ARHGEF33: variants seen among roughly 807,000 people sequenced by gnomAD.
The protein encoded by ARHGEF33 is Rho guanine nucleotide exchange factor 33, also known as DH and coiled-coil domain-containing protein ENSP00000381780.
ARHGEF33 carries 72 observed loss-of-function variants against 101.9 expected under a neutral mutation model. The ratio of observed to expected loss-of-function variants is 0.71; its 90% CI spans 0.58 to 0.86. The LOEUF (loss-of-function observed/expected upper bound fraction) is 0.86. Among genes scored for constraint, ARHGEF33 ranks in the 40% least tolerant of loss-of-function variants. ARHGEF33 has a pLI of 0.00. For synonymous variants in ARHGEF33, 499 were observed against 442.5 expected, an observed-to-expected ratio of 1.13 and a Z score of -1.60; for missense variants, 1,169 against 1,111.3, an observed-to-expected ratio of 1.05 and a Z score of -0.74.
intron 7 of ARHGEF33, among the ~76,000 whole-genome samples, chr2:38,932,514 A>T (rs993202535): frequency 6.6e-6 from 1 of 152,106 alleles, no homozygotes. Flanking sequence ...CACTTGGTCC[A>T]TCTGGGGACC....
chr2:38,904,169 G>A (rs1179710385), intron 2 of ARHGEF33, among the ~76,000 whole-genome samples: 1 of 152,316 alleles, frequency 6.6e-6, no homozygotes, highest in East Asian at 1.9e-4. Context: ...TTGGATTGAA[G>A]GGGGAAAGTT....
In ARHGEF33 at chr2:38,960,575, G is replaced by C; in HGVS notation, c.2270G>C (p.Arg757Pro). The change falls in exon 16 of 18, where the codon CGC becomes CCC. Residue 757 changes from arginine (R) to proline (P), a missense_variant. Transcript: ENST00000409978. ...CCGGCCGCCGCCGCCGTCGCCGCCC[G>C]CGGCGCATCCAGGACCTTCTTCCCC... ...HGPAAAAVAARGASRTFFPQQ... is the reference protein window; with the variant it reads ...HGPAAAAVAAPGASRTFFPQQ... The C allele has an allele frequency of 7.7e-7, 1 of 1,290,984 alleles. No homozygotes were observed. Among genetic ancestry groups the C allele is most frequent in the Non-Finnish European group, 1.0e-6 (1 of 1,000,942 alleles). The allele number at this position is 1,290,984 out of a possible 1,614,324, so 80.0% of individuals were successfully genotyped here. A position where few individuals can be genotyped will look rare whatever the true frequency, so the allele number is the denominator to read the frequency against.
At chr2:38,931,548 A>G (rs918471640) in intron 7 of ARHGEF33, among the ~76,000 whole-genome samples, 1 of 152,196 alleles carries the variant, frequency 6.6e-6, no homozygotes, top group South Asian at 2.1e-4. Context: ...CCCATAAGAC[A>G]GAAATGTTAG....
intron 16 of ARHGEF33, 82 bp downstream of exon 16, chr2:38,960,730 G>T (rs1056853743): frequency 1.8e-6 from 2 of 1,114,118 alleles, no homozygotes; most frequent in East Asian, 8.6e-5. Context: ...TTCTCCTAGC[G>T]TGGAGAGGAG....
chr2:38,907,937 C>T lies in ARHGEF33; in HGVS notation c.-85-11426C>T, dbSNP rs930086043. 1.3e-5 allele frequency among the ~76,000 whole-genome samples: 2 copies of T among 151,090 alleles called. 1 individual carries two copies. Among genetic ancestry groups the T allele is most frequent in the East Asian group, 3.9e-4 (2 of 5,154 alleles). ...GCAGTGGCACTATCATGACTCACTG[C>T]AGCCTTGACCTCCTGGGCTCAAGTG... On this transcript the variant is annotated intron_variant, in intron 2 of 17. Coordinates refer to ENST00000409978, the MANE Select transcript of ARHGEF33 (RefSeq NM_001145451.5).
chr2:38,898,139 G>A lies in ARHGEF33; in HGVS notation c.-86+2290G>A, dbSNP rs929975016. On this transcript the variant is annotated intron_variant, in intron 2 of 17. Transcript: ENST00000409978. Reference sequence around the variant, plus strand: ...AATAGTAATTTGGATGATGGAATAAGGTATAAAAAGTAGACGAGACCACTT... The same window carrying A: ...AATAGTAATTTGGATGATGGAATAAAGTATAAAAAGTAGACGAGACCACTT... 3.9e-5 allele frequency among the ~76,000 whole-genome samples: 6 copies of A among 152,096 alleles called. No individual in the cohort carries two copies. In the South Asian group the frequency reaches 1.0e-3, roughly 26 times the overall value.
intron 17 of ARHGEF33, among the ~76,000 whole-genome samples, chr2:38,972,729 C>T (rs750838398): frequency 7.2e-5 from 11 of 152,214 alleles, no homozygotes; most frequent in Non-Finnish European, 1.3e-4. Flanking sequence ...AGTAGCAAAC[C>T]AATGATAGTA....
chr2:38,897,156 C>G (rs12617734), intron 2 of ARHGEF33, among the ~76,000 whole-genome samples: 1 of 151,950 alleles, frequency 6.6e-6, no homozygotes, highest in Non-Finnish European at 1.5e-5. Context: ...CCCAGTGGTC[C>G]GCCCGCCTCG....
At chr2:38,932,089 A>C (rs1667017899) in intron 7 of ARHGEF33, among the ~76,000 whole-genome samples, 1 of 152,206 alleles carries the variant, frequency 6.6e-6, no homozygotes, top group Non-Finnish European at 1.5e-5. Context: ...TAACTGGCAT[A>C]CTTCAAAGTA....
intron 17 of ARHGEF33, among the ~76,000 whole-genome samples, chr2:38,967,337 T>C (rs1019766357): frequency 6.6e-6 from 1 of 152,218 alleles, no homozygotes; most frequent in African/African-American, 2.4e-5. Flanking sequence ...GCGACAGCTC[T>C]GCATGTAGCC....
chr2:38,948,152 C>T (rs980008431), intron 10 of ARHGEF33, among the ~76,000 whole-genome samples: 15 of 151,904 alleles, frequency 9.9e-5, no homozygotes, highest in African/African-American at 3.6e-4. Context: ...TGCTTCTGGG[C>T]GTCAGGTCTG....
chr2:38,958,010 G>A, intron 14 of ARHGEF33, 24 bp from the exon 15 acceptor site: 1 of 1,551,994 alleles, frequency 6.4e-7, no homozygotes, highest in Non-Finnish European at 8.7e-7. Flanking sequence ...TACAACCTGA[G>A]AACTGTTATT....
In ARHGEF33 at chr2:38,960,547, G is replaced by C. The variant is rs1281779454; in HGVS notation, c.2242G>C (p.Gly748Arg). 5 of 1,260,962 alleles carry C rather than the reference G, an allele frequency of 4.0e-6. No individual in the cohort carries two copies. Among genetic ancestry groups the C allele is most frequent in the African/African-American group, 1.6e-5 (1 of 62,484 alleles). The allele number at this position is 1,260,962 out of a possible 1,614,324, so 78.1% of individuals were successfully genotyped here. ...IKAERAAQAH[G>R]PAAAAVAARG... Reference sequence around the variant, plus strand: ...GGCCGAGCGCGCCGCGCAGGCGCACGGCCCGGCCGCCGCCGCCGTCGCCGC... The same window carrying C: ...GGCCGAGCGCGCCGCGCAGGCGCACCGCCCGGCCGCCGCCGCCGTCGCCGC... Residue 748 changes from glycine (G) to arginine (R), a missense_variant, in exon 16 of 18, where the codon GGC (glycine) becomes CGC (arginine). Transcript: ENST00000409978.
intron 4 of ARHGEF33, among the ~76,000 whole-genome samples, 182 bp downstream of exon 4, chr2:38,921,605 A>G (rs1052620999): frequency 6.6e-6 from 1 of 152,038 alleles, no homozygotes; most frequent in Admixed American, 6.6e-5. Flanking sequence ...TACTTTGGAG[A>G]GAACTGATTT....
chr2:38,931,359 C>A, intron 7 of ARHGEF33, 108 bp downstream of exon 7: 1 of 1,020,170 alleles, frequency 9.8e-7, no homozygotes, highest in Non-Finnish European at 1.4e-6. Context: ...TGGTGTATTG[C>A]CTAGAATTTT....
chr2:38,973,661 A>C (rs1668213945), intron 17 of ARHGEF33, 53 bp from the exon 18 acceptor site: 3 of 1,430,388 alleles, frequency 2.1e-6, no homozygotes. Flanking sequence ...AAAATATTTG[A>C]AAACAATTAA....
chr2:38,947,516 A>G (rs984093792), intron 10 of ARHGEF33, among the ~76,000 whole-genome samples: 1 of 152,152 alleles, frequency 6.6e-6, no homozygotes, highest in Non-Finnish European at 1.5e-5. Flanking sequence ...CAGCATCCCC[A>G]GCTGGGATTA....
At chr2:38,902,247 T>G (rs1666262015) in intron 2 of ARHGEF33, among the ~76,000 whole-genome samples, 1 of 152,080 alleles carries the variant, frequency 6.6e-6, no homozygotes, top group Non-Finnish European at 1.5e-5. Context: ...TCTCTCAAGA[T>G]TCAAAGGAAT....
chr2:38,969,835 C>A (rs59357064), intron 17 of ARHGEF33, among the ~76,000 whole-genome samples: 1 of 152,318 alleles, frequency 6.6e-6, no homozygotes, highest in East Asian at 1.9e-4. Flanking sequence ...TATTCCCCTG[C>A]CTTTGAGCAG....
Sources: allele counts gnomAD v4.1 joint callset (sites outside exome capture counted in the v4.1 genomes callset), GRCh38; gene constraint gnomAD v4.1.1; transcripts MANE v1.5; gene names NCBI Gene and HGNC (gene_info 2026-07-23, HGNC 2026-07-21).